Variants in ROBO1 observed in about 807,000 individuals in gnomAD.
ROBO1 encodes roundabout homolog 1.
A neutral mutation model predicts 195.9 loss-of-function variants in ROBO1; 149 were observed. That is an observed-to-expected ratio of 0.76 (90% CI 0.67 to 0.87). The LOEUF is 0.87. ROBO1 is among the 40% of genes least tolerant of loss of function. The pLI is 0.00. For synonymous variants in ROBO1, 816 were observed against 733.2 expected, an observed-to-expected ratio of 1.11 and a Z score of -1.82; for missense variants, 1,933 against 2,068.3, an observed-to-expected ratio of 0.93 and a Z score of 1.27.
intron 2 of ROBO1, among the ~76,000 whole-genome samples, chr3:79,283,082 A>G (rs1339106305): frequency 6.6e-6 from 1 of 152,254 alleles, no homozygotes; most frequent in African/African-American, 2.4e-5. Context: ...TCATGTTTAA[A>G]TAAGTTTCAG....
chr3:79,300,413 G>A (rs1022288219), intron 2 of ROBO1, among the ~76,000 whole-genome samples: 5 of 152,330 alleles, frequency 3.3e-5, no homozygotes, highest in African/African-American at 9.6e-5. Flanking sequence ...CCGGCCCACC[G>A]GCGCTGCGCT....
At chr3:79,528,739 C>T (rs1248106312) in intron 2 of ROBO1, among the ~76,000 whole-genome samples, 1 of 152,074 alleles carries the variant, frequency 6.6e-6, no homozygotes, top group South Asian at 2.1e-4. Context: ...ATTTTAAAAC[C>T]TGTTAAAAGT....
intron 2 of ROBO1, among the ~76,000 whole-genome samples, chr3:79,483,926 G>A (rs1382206163): frequency 6.6e-6 from 1 of 152,130 alleles, no homozygotes; most frequent in Non-Finnish European, 1.5e-5. Flanking sequence ...TTCTCAGTGG[G>A]AGAGTTGAAA....
chr3:79,733,464 G>A (rs561755962), intron 1 of ROBO1, among the ~76,000 whole-genome samples: 3 of 152,190 alleles, frequency 2.0e-5, no homozygotes, highest in South Asian at 2.1e-4. Context: ...CTTCTCAGTC[G>A]AATCTTTCAC....
At chr3:78,649,386 C>G (rs912710346) in intron 19 of ROBO1, among the ~76,000 whole-genome samples, 1 of 152,058 alleles carries the variant, frequency 6.6e-6, no homozygotes, top group Non-Finnish European at 1.5e-5. Context: ...AATAAACTCT[C>G]TGGGTCCCTA....
At chr3:79,584,516 G>A (rs1217449389) in intron 2 of ROBO1, among the ~76,000 whole-genome samples, 1 of 151,104 alleles carries the variant, frequency 6.6e-6, no homozygotes, top group Non-Finnish European at 1.5e-5. Flanking sequence ...CAGAGTGGGA[G>A]GAAAATAAAT....
intron 2 of ROBO1, among the ~76,000 whole-genome samples, chr3:79,164,510 C>A (rs140338822): frequency 6.6e-6 from 1 of 152,282 alleles, no homozygotes; most frequent in East Asian, 1.9e-4. Context: ...TCACTCTCAT[C>A]TTGATCCAGC....
chr3:78,915,186 T>C (rs533642929), intron 4 of ROBO1, among the ~76,000 whole-genome samples: 1 of 152,262 alleles, frequency 6.6e-6, no homozygotes, highest in South Asian at 2.1e-4. Context: ...TGCTCAAATA[T>C]ATGAAACTGA....
intron 2 of ROBO1, among the ~76,000 whole-genome samples, chr3:79,216,866 T>C (rs563624350): frequency 1.3e-5 from 2 of 152,170 alleles, no homozygotes; most frequent in South Asian, 4.1e-4. Flanking sequence ...TAGAAACCCA[T>C]CTTGGTGATA....
At chr3:79,341,290 T>C (rs960879413) in intron 2 of ROBO1, among the ~76,000 whole-genome samples, 3 of 151,930 alleles carry the variant, frequency 2.0e-5, no homozygotes, top group Non-Finnish European at 4.4e-5. Context: ...ATATGAGATA[T>C]GATTATAAAA....
chr3:79,181,975 TTATA>T (rs1212179900), intron 2 of ROBO1, among the ~76,000 whole-genome samples: 2 of 150,662 alleles, frequency 1.3e-5, no homozygotes, highest in African/African-American at 4.8e-5. Context: ...CACATATATA[TTATA>T]TATATTTTAT....
chr3:78,717,985 C>T lies in ROBO1; in HGVS notation c.658-102G>A, dbSNP rs2081945529. The T allele has an allele frequency of 2.6e-6, 3 of 1,151,872 alleles. No individual in the cohort carries two copies. In the South Asian group the frequency reaches 4.4e-5, roughly 17 times the overall value. The allele number at this position is 1,151,872 out of a possible 1,614,324, so 71.4% of individuals were successfully genotyped here. A position where few individuals can be genotyped will look rare whatever the true frequency, so the allele number is the denominator to read the frequency against. Reference sequence around the variant, plus strand: ...AAGACTGCTTTCTAAGCATATAAATCAAAGCATAATTACATCAACAGCTGA... The same window carrying T: ...AAGACTGCTTTCTAAGCATATAAATTAAAGCATAATTACATCAACAGCTGA... On this transcript the variant is annotated intron_variant, in intron 5 of 30. Transcript: ENST00000464233.
chr3:78,598,874 T>C lies in ROBO1; in HGVS notation c.*39A>G, dbSNP rs769129302. On this transcript the variant is annotated 3_prime_UTR_variant, in exon 31 of 31. Coordinates refer to ENST00000464233, the MANE Select transcript of ROBO1 (RefSeq NM_002941.4). ...ATCTGACAGGAGGCATCTTGAGTGA[T>C]GATTTTCACATTAGATCTCATAAGC... 5 of 1,469,488 alleles carry C rather than the reference T, an allele frequency of 3.4e-6. No homozygotes were observed. Among genetic ancestry groups the C allele is most frequent in the South Asian group, 1.3e-5 (1 of 77,466 alleles). The allele number at this position is 1,469,488 out of a possible 1,614,324, so 91.0% of individuals were successfully genotyped here.
At chr3:79,161,497 T>G (rs544705368) in intron 2 of ROBO1, among the ~76,000 whole-genome samples, 3 of 152,208 alleles carry the variant, frequency 2.0e-5, no homozygotes, top group Admixed American at 2.0e-4. Flanking sequence ...CATGGTTCTT[T>G]GCAAAAATAA....
chr3:78,937,342 CTAAT>C (rs1227061680), intron 4 of ROBO1, among the ~76,000 whole-genome samples: 4 of 151,524 alleles, frequency 2.6e-5, no homozygotes, highest in Non-Finnish European at 4.4e-5. Context: ...ACTATGAAAA[CTAAT>C]TATATAATTA....
chr3:79,197,551 C>T (rs537722577), intron 2 of ROBO1, among the ~76,000 whole-genome samples: 1 of 151,962 alleles, frequency 6.6e-6, no homozygotes, highest in Non-Finnish European at 1.5e-5. Context: ...TGGATATATA[C>T]CCAGTAATGG....
In ROBO1 at chr3:79,622,264, C is replaced by T. The variant is rs566446386; in HGVS notation, c.-50-32303G>A. ...AGCCTAGTGTCCCAACCCTGGAACG[C>T]ACAAATTCCCAACAGCCTGTCAGCT... On this transcript the variant is annotated intron_variant, in intron 1 of 30. Coordinates refer to ENST00000464233, the MANE Select transcript of ROBO1 (RefSeq NM_002941.4). 2.6e-5 allele frequency among the ~76,000 whole-genome samples: 4 copies of T among 152,300 alleles called. No homozygotes were observed. In the East Asian group the frequency reaches 7.7e-4, roughly 29 times the overall value.
intron 1 of ROBO1, among the ~76,000 whole-genome samples, chr3:79,721,002 C>T (rs1282822530): frequency 6.6e-6 from 1 of 152,100 alleles, no homozygotes; most frequent in South Asian, 2.1e-4. Context: ...TCGTGTTAGC[C>T]ACGATGGTCT....
intron 4 of ROBO1, among the ~76,000 whole-genome samples, chr3:78,780,659 C>T (rs999409557): frequency 1.3e-5 from 2 of 152,102 alleles, no homozygotes; most frequent in Non-Finnish European, 2.9e-5. Flanking sequence ...TTTGTCTGAT[C>T]AGGAAGCCTA....
Sources: allele counts gnomAD v4.1 joint callset (sites outside exome capture counted in the v4.1 genomes callset), GRCh38; gene constraint gnomAD v4.1.1; transcripts MANE v1.5; gene names NCBI Gene and HGNC (gene_info 2026-07-23, HGNC 2026-07-21).